GRIP1: variants seen among roughly 807,000 people sequenced by gnomAD.
The protein encoded by GRIP1 is glutamate receptor interacting protein 1.
In GRIP1, 45 loss-of-function variants were observed where a neutral mutation model predicts 129.9. The observed-to-expected ratio is 0.35, with a 90% CI of 0.27 to 0.44. The LOEUF (loss-of-function observed/expected upper bound fraction) is 0.44. Ranked by LOEUF, GRIP1 falls within the 20% of genes least tolerant of loss-of-function variation. The probability of loss-of-function intolerance (pLI) is 1.00; values close to 1 mark genes in which losing one functional copy is unlikely to be tolerated. For synonymous variants in GRIP1, 530 were observed against 520.8 expected, an observed-to-expected ratio of 1.02 and a Z score of -0.24; for missense variants, 1,196 against 1,396.8, an observed-to-expected ratio of 0.86 and a Z score of 2.29.
intron 1 of GRIP1, among the ~76,000 whole-genome samples, chr12:67,046,502 T>C (rs1327546141): frequency 1.3e-5 from 2 of 152,224 alleles, no homozygotes; most frequent in Non-Finnish European, 1.5e-5. Context: ...GGATTTTAAA[T>C]CTTACAGTAT....
chr12:66,593,520 T>G (rs1301101004), intron 2 of GRIP1, among the ~76,000 whole-genome samples: 1 of 152,222 alleles, frequency 6.6e-6, no homozygotes, highest in Non-Finnish European at 1.5e-5. Flanking sequence ...TTTCTGTGTA[T>G]GTATATAAAT....
At chr12:66,832,813 A>G (rs1379126335) in intron 1 of GRIP1, among the ~76,000 whole-genome samples, 1 of 152,230 alleles carries the variant, frequency 6.6e-6, no homozygotes, top group African/African-American at 2.4e-5. Flanking sequence ...CCTGGTAAGT[A>G]AAGTGCATCA....
At chr12:66,607,009 G>A (rs2064564121) in intron 1 of GRIP1, among the ~76,000 whole-genome samples, 1 of 139,806 alleles carries the variant, frequency 7.2e-6, no homozygotes, top group African/African-American at 3.0e-5. Flanking sequence ...GAGAGAGAGA[G>A]AGAGAAAGAG....
At position 66,701,723 on chromosome 12, in the gene GRIP1, T is replaced by C. The variant is rs553082200; in HGVS notation, c.-419-71387A>G. On this transcript the variant is annotated intron_variant, in intron 1 of 4. Transcript: ENST00000538373. ...CTCCTTAACAGCAATGGCTCTTACATACTAATCTGAGCATTAGACACACAG... is the reference window on the plus strand; with the variant it reads ...CTCCTTAACAGCAATGGCTCTTACACACTAATCTGAGCATTAGACACACAG... Among the ~76,000 whole-genome samples, 7 of 152,288 alleles carry C rather than the reference T, an allele frequency of 4.6e-5. No individual in the cohort carries two copies. In the South Asian group the frequency reaches 1.4e-3, roughly 32 times the overall value.
chr12:66,446,677 C>T (rs575416903), intron 11 of GRIP1, among the ~76,000 whole-genome samples: 16 of 152,266 alleles, frequency 1.1e-4, no homozygotes, highest in African/African-American at 3.6e-4. Flanking sequence ...TAGTCTGCCT[C>T]CTCTAACCTA....
intron 1 of GRIP1, among the ~76,000 whole-genome samples, chr12:67,067,847 C>A (rs2043656378): frequency 6.6e-6 from 1 of 152,200 alleles, no homozygotes; most frequent in African/African-American, 2.4e-5. Flanking sequence ...ACACACCAGA[C>A]TGGCCGGCCT....
intron 7 of GRIP1, among the ~76,000 whole-genome samples, chr12:66,501,601 G>A (rs2060394416): frequency 6.6e-6 from 1 of 152,078 alleles, no homozygotes; most frequent in African/African-American, 2.4e-5. Flanking sequence ...TTCTCAAAAG[G>A]AAAAGCCATT....
chr12:66,831,759 C>T (rs1054186384), intron 1 of GRIP1, among the ~76,000 whole-genome samples: 1 of 152,122 alleles, frequency 6.6e-6, no homozygotes, highest in African/African-American at 2.4e-5. Flanking sequence ...CGGTACAAAA[C>T]CCAGATTTTC....
chr12:66,883,475 T>A (rs976393841), intron 1 of GRIP1, among the ~76,000 whole-genome samples: 1 of 152,184 alleles, frequency 6.6e-6, no homozygotes, highest in Non-Finnish European at 1.5e-5. Flanking sequence ...TGACCATGTT[T>A]ACATTGTATT....
At chr12:66,807,556 C>A (rs997323587), upstream of GRIP1, among the ~76,000 whole-genome samples, 2 of 152,064 alleles carry the variant, frequency 1.3e-5, no homozygotes, top group Admixed American at 1.3e-4. Flanking sequence ...CGCCTGTAGT[C>A]CCAGCTACTC....
At chr12:66,989,487 G>A (rs988355665) in intron 1 of GRIP1, among the ~76,000 whole-genome samples, 2 of 152,116 alleles carry the variant, frequency 1.3e-5, no homozygotes, top group Admixed American at 6.6e-5. Flanking sequence ...GTGCCTTCAG[G>A]GTTTGGAGTA....
intron 11 of GRIP1, among the ~76,000 whole-genome samples, chr12:66,454,601 C>A (rs191184873): frequency 6.6e-6 from 1 of 152,208 alleles, no homozygotes; most frequent in African/African-American, 2.4e-5. Flanking sequence ...ATTCAATCAC[C>A]TTTTTTACCC....
chr12:66,526,809 C>G (rs1334917924), intron 5 of GRIP1, among the ~76,000 whole-genome samples: 1 of 151,048 alleles, frequency 6.6e-6, no homozygotes, highest in Non-Finnish European at 1.5e-5. Context: ...CCAGAATCTA[C>G]AATGAACTCA....
At chr12:66,616,286 G>A (rs907411472) in intron 1 of GRIP1, among the ~76,000 whole-genome samples, 16 of 151,948 alleles carry the variant, frequency 1.1e-4, no homozygotes, top group Non-Finnish European at 7.4e-5. Context: ...CTGAAATGGT[G>A]TTACTAAAAT....
chr12:66,920,576 C>T (rs767245743), intron 1 of GRIP1, among the ~76,000 whole-genome samples: 7 of 152,186 alleles, frequency 4.6e-5, no homozygotes, highest in East Asian at 1.9e-4. Context: ...AACCCAAGAA[C>T]TAAGGGGACC....
Position 66,474,367 on chromosome 12 carries a change from G to A in GRIP1, c.725-8945C>T, listed in dbSNP as rs1592387530. ...CTACATTTGATTGGTGTACCTGAAA[G>A]TGACAGAGAGAATGGAACTGAGCTG... On this transcript the variant is annotated intron_variant, in intron 7 of 24. Transcript: ENST00000359742. Among the ~76,000 whole-genome samples the A allele has an allele frequency of 2.0e-5, 3 of 152,252 alleles. No homozygotes were observed. The Middle Eastern group carries it at 0.01, about 518-fold the overall frequency.
At chr12:66,908,380 G>A (rs1361410020) in intron 1 of GRIP1, among the ~76,000 whole-genome samples, 1 of 152,182 alleles carries the variant, frequency 6.6e-6, no homozygotes, top group Non-Finnish European at 1.5e-5. Context: ...ATCAGGGAAG[G>A]AGAGGATTTC....
At chr12:67,042,070 G>A (rs888852021) in intron 1 of GRIP1, among the ~76,000 whole-genome samples, 3 of 152,102 alleles carry the variant, frequency 2.0e-5, no homozygotes, top group Non-Finnish European at 2.9e-5. Context: ...AGTTATTGCA[G>A]GGGTGGGTTC....
chr12:66,850,603 T>G (rs1429278772), intron 1 of GRIP1, among the ~76,000 whole-genome samples: 4 of 152,034 alleles, frequency 2.6e-5, no homozygotes, highest in African/African-American at 9.7e-5. Flanking sequence ...CTAGAGGATG[T>G]TCTTAGGAAC....
Sources: gnomAD v4.1 joint callset for allele counts (sites outside exome capture counted in the v4.1 genomes callset) on GRCh38, gnomAD v4.1.1 for gene constraint, MANE v1.5 for transcripts, NCBI Gene and HGNC (gene_info 2026-07-23, HGNC 2026-07-21) for gene names.